The following FKBP3 variants were observed in gnomAD, a reference collection of about 807,000 sequenced individuals.
FKBP3 encodes the protein peptidyl-prolyl cis-trans isomerase FKBP3.
A neutral mutation model predicts 30.6 loss-of-function variants in FKBP3; 21 were observed. The ratio of observed to expected loss-of-function variants is 0.69; its 90% CI spans 0.49 to 0.99. The LOEUF is 0.99. FKBP3 is among the 50% of genes least tolerant of loss of function. The pLI, the probability that FKBP3 is intolerant of heterozygous loss-of-function variation, is 0.00. For missense variants in FKBP3, 283 were observed against 261.6 expected (o/e 1.08, Z -0.56); for synonymous variants, 82 against 91.3 (o/e 0.90, Z 0.58).
intron 3 of FKBP3, among the ~76,000 whole-genome samples, chr14:45,125,277 G>T (rs1885072678): frequency 6.6e-6 from 1 of 152,214 alleles, no homozygotes; most frequent in Non-Finnish European, 1.5e-5. Flanking sequence ...GGAAGCAAAA[G>T]TAGAAGTGGA....
chr14:45,121,571 T>G lies in FKBP3; in HGVS notation c.368A>C (p.Asn123Thr), dbSNP rs140654493. The G allele has an allele frequency of 1.2e-6, 2 of 1,613,846 alleles. No homozygotes were observed. The highest frequency in any genetic ancestry group is 4.5e-5 in the East Asian group (2 of 44,816). Residue 123 changes from asparagine (N) to threonine (T), a missense_variant, in exon 4 of 7, where the codon AAC becomes ACC. By Grantham distance (65) the Asn-to-Thr change is moderately conservative (BLOSUM62 0). Coordinates refer to ENST00000396062, the MANE Select transcript of FKBP3 (RefSeq NM_002013.4). ...AACAACATCTCCCTTTTTGGGAAAG[T>G]TGGTTTTATCTCCCTTTTTCAGAAC... ...KSVLKKGDKT[N>T]FPKKGDVVHC...
chr14:45,119,747 G>T (rs1438099547), intron 5 of FKBP3, among the ~76,000 whole-genome samples: 2 of 150,766 alleles, frequency 1.3e-5, no homozygotes, highest in Non-Finnish European at 3.0e-5. Flanking sequence ...GAGTGCAGTG[G>T]CGTGATCTCA....
intron 3 of FKBP3, among the ~76,000 whole-genome samples, chr14:45,124,381 A>G (rs1379176479): frequency 6.6e-6 from 1 of 151,964 alleles, no homozygotes; most frequent in Non-Finnish European, 1.5e-5. Context: ...AAAATACAAA[A>G]ATTAGCTGGG....
chr14:45,120,847 T>C (rs1354604088), intron 5 of FKBP3, 40 bp downstream of exon 5: 2 of 1,503,512 alleles, frequency 1.3e-6, no homozygotes, highest in Non-Finnish European at 1.9e-6. Context: ...AAGCAGCATA[T>C]GCCAGAATAT....
chr14:45,123,593 T>C (rs1279214668), intron 3 of FKBP3, among the ~76,000 whole-genome samples: 2 of 128,820 alleles, frequency 1.6e-5, no homozygotes, highest in Admixed American at 7.8e-5. Flanking sequence ...CTTAAATCCC[T>C]CTCTACTCCT....
intron 1 of FKBP3, among the ~76,000 whole-genome samples, chr14:45,131,545 C>T (rs1292160319): frequency 2.1e-5 from 3 of 146,142 alleles, no homozygotes; most frequent in Non-Finnish European, 4.5e-5. Flanking sequence ...AGGAGAATGG[C>T]GTGAACCTGG....
chr14:45,122,257 T>A (rs1170835812), intron 3 of FKBP3, among the ~76,000 whole-genome samples: 2 of 150,584 alleles, frequency 1.3e-5, no homozygotes, highest in South Asian at 4.3e-4. Context: ...AGAGGAACTG[T>A]CAAGAATCTT....
chr14:45,134,417 G>A lies in FKBP3; in HGVS notation c.40C>T (p.Gln14Ter). 1 of 1,613,692 alleles carries A rather than the reference G, an allele frequency of 6.2e-7. No individual in the cohort carries two copies. Among genetic ancestry groups the A allele is most frequent in the Non-Finnish European group, 8.5e-7 (1 of 1,179,904 alleles). Residue 14 changes from glutamine (Q) to a stop codon, truncating the protein, a stop_gained, in exon 1 of 7, where the codon CAG becomes TAG. Transcript: ENST00000396062. LOFTEE classifies it high-confidence loss of function. Reference sequence around the variant, plus strand: ...TTGGGCAGCTGCTCACTGCGCAGCTGCTCCACGGTCCACGCCCGCTGTGGA... The same window carrying A: ...TTGGGCAGCTGCTCACTGCGCAGCTACTCCACGGTCCACGCCCGCTGTGGA... ...AVPQRAWTVE[Q>*]LRSEQLPKKD...
intron 3 of FKBP3, 122 bp from the exon 4 acceptor site, chr14:45,121,742 TAAAC>T (rs936419985): frequency 4.6e-5 from 51 of 1,109,482 alleles, no homozygotes; most frequent in African/African-American, 3.1e-4. Context: ...TGGTAATAAA[TAAAC>T]AAACAAAACC....
chr14:45,129,867 G>C lies in FKBP3; in HGVS notation c.245C>G (p.Ser82Cys), dbSNP rs183514536. ...FKGTESISKV[S>C]EQVKNVKLNE... The stretch of plus-strand genomic sequence containing the variant: ...AAGCTTCACATTTTTTACTTGCTCA[G>C]ACACTTTACTTATACTTTCAGTACC... The change falls in exon 3 of 7, where the codon TCT becomes TGT. Residue 82 changes from serine to cysteine, a missense_variant. Ser to Cys is a moderately radical substitution (Grantham distance 112). Coordinates refer to ENST00000396062, the MANE Select transcript of FKBP3 (RefSeq NM_002013.4). 15 of 1,612,866 alleles carry C rather than the reference G, an allele frequency of 9.3e-6. No homozygotes were observed. In the African/African-American group the frequency reaches 1.7e-4, roughly 19 times the overall value.
chr14:45,133,427 A>G, intron 1 of FKBP3: 1 of 191,580 alleles, frequency 5.2e-6, no homozygotes, highest in Non-Finnish European at 1.2e-5. Context: ...AGATCGCGCC[A>G]CTGCACTCCA....
At chr14:45,120,197 G>C (rs756128532) in intron 5 of FKBP3, among the ~76,000 whole-genome samples, 5 of 152,200 alleles carry the variant, frequency 3.3e-5, no homozygotes, top group African/African-American at 1.2e-4. Flanking sequence ...ACAAACAATG[G>C]GCACAATGGG....
chr14:45,119,438 G>A (rs1052841141), intron 5 of FKBP3, among the ~76,000 whole-genome samples: 6 of 151,784 alleles, frequency 4.0e-5, no homozygotes, highest in African/African-American at 9.7e-5. Flanking sequence ...GTGTGGTGGC[G>A]CATGCCTGTA....
At chr14:45,120,988 T>A (rs751467067) in intron 4 of FKBP3, 34 bp from the exon 5 acceptor site, 3 of 1,444,392 alleles carry the variant, frequency 2.1e-6, no homozygotes, top group Non-Finnish European at 9.6e-7. Flanking sequence ...ATTAATGATA[T>A]ACTCTAATTT....
chr14:45,134,326 G>T, intron 1 of FKBP3, 23 bp downstream of exon 1: 1 of 1,580,906 alleles, frequency 6.3e-7, no homozygotes, highest in Non-Finnish European at 8.7e-7. Flanking sequence ...GCACCAGCCC[G>T]GCCGCCCCTA....
rs746074324 is a variant in FKBP3, at chr14:45,134,391, C to T, written c.66G>A (p.Lys22=). ...CCTGCAGAAACTTGATAATGTCCTT[C>T]TTGGGCAGCTGCTCACTGCGCAGCT... is the stretch of plus-strand genomic sequence containing the variant. The part of the protein sequence containing the change: ...VEQLRSEQLP[K]KDIIKFLQEH... The change falls in exon 1 of 7, where the codon AAG becomes AAA. Residue 22 remains lysine (K), a synonymous_variant. Coordinates refer to ENST00000396062, the MANE Select transcript of FKBP3 (RefSeq NM_002013.4). 6.2e-7 allele frequency: 1 copy of T among 1,613,826 alleles called. No homozygotes were observed.
intron 3 of FKBP3, among the ~76,000 whole-genome samples, chr14:45,121,866 A>T (rs1441738605): frequency 6.6e-6 from 1 of 152,198 alleles, no homozygotes; most frequent in African/African-American, 2.4e-5. Context: ...TTCTAATAAG[A>T]TTCTGTTAAT....
At chr14:45,122,836 G>A (rs916740600) in intron 3 of FKBP3, among the ~76,000 whole-genome samples, 1 of 151,774 alleles carries the variant, frequency 6.6e-6, no homozygotes, top group Non-Finnish European at 1.5e-5. Flanking sequence ...GTCAAGTTAT[G>A]CAAATTTTTA....
intron 2 of FKBP3, 88 bp from the exon 3 acceptor site, chr14:45,129,989 C>A: frequency 1.5e-6 from 1 of 665,592 alleles, no homozygotes. Context: ...ATTAAATGAA[C>A]ATCTGCATAA....
Sources: gnomAD v4.1 joint callset for allele counts (sites outside exome capture counted in the v4.1 genomes callset) on GRCh38, gnomAD v4.1.1 for gene constraint, MANE v1.5 for transcripts, NCBI Gene and HGNC (gene_info 2026-07-23, HGNC 2026-07-21) for gene names.